PGAP2: variants seen among roughly 807,000 people sequenced by gnomAD.
PGAP2 encodes post-GPI attachment to proteins 2.
A neutral mutation model predicts 33.2 loss-of-function variants in PGAP2; 21 were observed. That is an observed-to-expected ratio of 0.63 (90% CI 0.45 to 0.91). The LOEUF (loss-of-function observed/expected upper bound fraction) is 0.91. Ranked by LOEUF, PGAP2 falls within the 40% of genes least tolerant of loss-of-function variation. The pLI is 0.00. For synonymous variants in PGAP2, 161 were observed against 172.9 expected (o/e 0.93, Z 0.54); for missense variants, 345 against 424.0 (o/e 0.81, Z 1.64).
At chr11:3,803,920 A>G (rs1391605372), upstream of PGAP2, among the ~76,000 whole-genome samples, 1 of 151,626 alleles carries the variant, frequency 6.6e-6, no homozygotes, top group Non-Finnish European at 1.5e-5. Flanking sequence ...CCTTCCTAGT[A>G]GCTGGGACTT....
At chr11:3,799,309 G>A (rs543959027) in intron 1 of PGAP2, among the ~76,000 whole-genome samples, 5 of 152,186 alleles carry the variant, frequency 3.3e-5, no homozygotes, top group African/African-American at 7.2e-5. Flanking sequence ...ATGCTGAGGC[G>A]GGCAGATTAT....
rs759393903 is a variant in PGAP2 at position 3,824,031 on chromosome 11, C to T, written c.497C>T (p.Pro166Leu). ...YWNHYLSCTS[P>L]CSCYRPLCRL... Reference sequence around the variant, plus strand: ...AACCACTACCTCAGCTGCACCTCCCCGTGTTCCTGCTATCGCCCGCTCTGC... The same window carrying T: ...AACCACTACCTCAGCTGCACCTCCCTGTGTTCCTGCTATCGCCCGCTCTGC... Residue 166 changes from proline (P) to leucine (L), a missense_variant, in exon 4 of 7, where the codon CCG becomes CTG. Physicochemically the swap from Pro to Leu is moderately conservative, Grantham distance 98. Transcript: ENST00000278243. 6 of 1,614,022 alleles carry T rather than the reference C, an allele frequency of 3.7e-6. No homozygotes were observed. The highest frequency in any genetic ancestry group is 1.1e-5 in the South Asian group (1 of 91,082).
At chr11:3,798,112 CAA>C in intron 1 of PGAP2, 1 of 1,472,894 alleles carries the variant, frequency 6.8e-7, no homozygotes, top group Non-Finnish European at 8.9e-7. Context: ...TCTGTCTGTC[CAA>C]AGAGTTTGCC....
At chr11:3,797,948 C>G in exon 1 of PGAP2, 1 of 1,548,146 alleles carries the variant, frequency 6.5e-7, no homozygotes. Flanking sequence ...TGAGGGAGCT[C>G]GGGCCAATCA....
chr11:3,816,049 C>T (rs745658087), intron 2 of PGAP2: 4 of 152,444 alleles, frequency 2.6e-5, no homozygotes, highest in Admixed American at 6.5e-5. Context: ...GCCACTATCA[C>T]TTCTTCCCTT....
At chr11:3,797,870 G>A in exon 1 of PGAP2, 2 of 1,550,404 alleles carry the variant, frequency 1.3e-6, no homozygotes, top group Non-Finnish European at 1.7e-6. Flanking sequence ...GCACCGGCGG[G>A]GTGTCGGGAA....
chr11:3,825,194 A>C, intron 6 of PGAP2, 66 bp downstream of exon 6: 2 of 1,571,426 alleles, frequency 1.3e-6, no homozygotes, highest in Admixed American at 1.7e-5. Context: ...TGTTTTTGAT[A>C]ATGGGCAATG....
At chr11:3,797,937 C>T (rs1443174303) in exon 1 of PGAP2, 2 of 1,548,452 alleles carry the variant, frequency 1.3e-6, no homozygotes, top group Non-Finnish European at 8.7e-7. Context: ...GCGACTCGGG[C>T]TGAGGGAGCT....
At chr11:3,797,833 T>C (rs1413012796) in exon 1 of PGAP2, 1 of 1,549,656 alleles carries the variant, frequency 6.5e-7, no homozygotes, top group African/African-American at 1.4e-5. Flanking sequence ...CCTCTCGAAG[T>C]GGGCTTGTGA....
chr11:3,825,736 G>C lies in PGAP2; in HGVS notation c.*278G>C, dbSNP rs760765800. 2.2e-5 allele frequency: 6 copies of C among 276,952 alleles called. No individual in the cohort carries two copies. The highest frequency in any genetic ancestry group is 1.4e-5 in the Non-Finnish European group (2 of 146,578). The allele number at this position is 276,952 out of a possible 1,614,324, so 17.2% of individuals were successfully genotyped here. ...ACCATTTGGTGCTAAAAAAAAAAAC[G>C]TCCTGAGGTTCATGACCACCATCCA... On this transcript the variant is annotated 3_prime_UTR_variant, in exon 7 of 7. Transcript: ENST00000278243.
At chr11:3,803,743 A>C (rs2083853573), upstream of PGAP2, among the ~76,000 whole-genome samples, 1 of 151,562 alleles carries the variant, frequency 6.6e-6, no homozygotes, top group Non-Finnish European at 1.5e-5. Flanking sequence ...TTTGGCTTTT[A>C]ACCAGAACAT....
intron 1 of PGAP2, among the ~76,000 whole-genome samples, chr11:3,800,380 T>G (rs2083267095): frequency 6.6e-6 from 1 of 152,198 alleles, no homozygotes; most frequent in Middle Eastern, 3.2e-3. Flanking sequence ...CACGAATGAG[T>G]GAATTATTTT....
upstream of PGAP2, among the ~76,000 whole-genome samples, chr11:3,807,193 T>C (rs1283952186): frequency 6.9e-6 from 1 of 143,892 alleles, no homozygotes; most frequent in Non-Finnish European, 1.5e-5. Context: ...AAAAATTAGC[T>C]GGGCGCAGTA....
intron 2 of PGAP2, among the ~76,000 whole-genome samples, chr11:3,814,477 G>A (rs192052462): frequency 1.3e-5 from 2 of 151,980 alleles, no homozygotes; most frequent in African/African-American, 2.4e-5. Flanking sequence ...GGCTCGTCTC[G>A]AACTCCTGAC....
chr11:3,802,667 G>T (rs967651744), intron 1 of PGAP2, among the ~76,000 whole-genome samples: 4 of 152,162 alleles, frequency 2.6e-5, no homozygotes, highest in Non-Finnish European at 5.9e-5. Flanking sequence ...ATTGTGGAAG[G>T]ATGAGACTTC....
chr11:3,800,806 C>T (rs1329891551), intron 1 of PGAP2, among the ~76,000 whole-genome samples: 5 of 128,326 alleles, frequency 3.9e-5, no homozygotes, highest in African/African-American at 1.6e-4. Context: ...AGTGAGACTC[C>T]GTCTCAAAAA....
chr11:3,808,576 G>C lies in PGAP2; in HGVS notation c.-86G>C, dbSNP rs902670951. The C allele has an allele frequency of 2.2e-6, 3 of 1,366,440 alleles. No homozygotes were observed. The highest frequency in any genetic ancestry group is 3.0e-5 in the African/African-American group (2 of 66,494). The allele number at this position is 1,366,440 out of a possible 1,614,324, so 84.6% of individuals were successfully genotyped here. A position where few individuals can be genotyped will look rare whatever the true frequency, so the allele number is the denominator to read the frequency against. Reference sequence around the variant, plus strand: ...GCCCCCGCCGTTCGCGCTCTGACCAGCCCGCAGAGCCAGCCCCCGACCCCG... The same window carrying C: ...GCCCCCGCCGTTCGCGCTCTGACCACCCCGCAGAGCCAGCCCCCGACCCCG... On this transcript the variant is annotated 5_prime_UTR_variant, in exon 1 of 7. Coordinates refer to ENST00000278243, the MANE Select transcript of PGAP2 (RefSeq NM_014489.4).
At chr11:3,799,536 A>T (rs528319478) in intron 1 of PGAP2, among the ~76,000 whole-genome samples, 28 of 152,316 alleles carry the variant, frequency 1.8e-4, no homozygotes, top group African/African-American at 6.7e-4. Flanking sequence ...AAAATTTTTA[A>T]AAAACCTCCA....
At chr11:3,798,634 A>ACTTTTTTTTTTTTT (rs1172054010) in intron 1 of PGAP2, among the ~76,000 whole-genome samples, 1 of 75,764 alleles carries the variant, frequency 1.3e-5, no homozygotes. Flanking sequence ...CCCATGAACT[A>ACTTTTTTTTTTTTT]ATTTTTTTTT....
Sources: gnomAD v4.1 joint callset for allele counts (sites outside exome capture counted in the v4.1 genomes callset) on GRCh38, gnomAD v4.1.1 for gene constraint, MANE v1.5 for transcripts, NCBI Gene and HGNC (gene_info 2026-07-23, HGNC 2026-07-21) for gene names.